The following RIMS2 variants were observed in gnomAD, a reference collection of about 807,000 sequenced individuals.
RIMS2 encodes the protein regulating synaptic membrane exocytosis protein 2.
In RIMS2, 59 loss-of-function variants were observed where a neutral mutation model predicts 174.4. The observed-to-expected ratio is 0.34, with a 90% CI of 0.27 to 0.42. RIMS2 has a LOEUF of 0.42. Ranked by LOEUF, RIMS2 falls within the 10% of genes least tolerant of loss-of-function variation. RIMS2 has a pLI of 1.00. For synonymous variants in RIMS2, 606 were observed against 572.5 expected (o/e 1.06, Z -0.84); for missense variants, 1,620 against 1,666.3 (o/e 0.97, Z 0.48).
At chr8:103,816,150 G>A (rs1211683359) in intron 3 of RIMS2, among the ~76,000 whole-genome samples, 1 of 152,050 alleles carries the variant, frequency 6.6e-6, no homozygotes, top group Non-Finnish European at 1.5e-5. Flanking sequence ...AAATTACAGA[G>A]TCCATTCAAA....
intron 19 of RIMS2, among the ~76,000 whole-genome samples, chr8:104,081,199 A>G (rs1598409024): frequency 1.3e-5 from 2 of 152,116 alleles, no homozygotes; most frequent in South Asian, 4.1e-4. Flanking sequence ...CAAGGCCAAC[A>G]GTCTCCAGGG....
chr8:103,546,421 G>A (rs572546949), intron 1 of RIMS2, among the ~76,000 whole-genome samples: 2 of 152,072 alleles, frequency 1.3e-5, no homozygotes, highest in South Asian at 2.1e-4. Flanking sequence ...AGATAATGAC[G>A]TAATAATGGT....
intron 4 of RIMS2, among the ~76,000 whole-genome samples, chr8:103,907,391 C>A (rs2074660283): frequency 6.6e-6 from 1 of 152,164 alleles, no homozygotes; most frequent in Admixed American, 6.5e-5. Flanking sequence ...TTCATGATTG[C>A]CAAATCCAAT....
At chr8:103,863,198 T>A (rs1312626728) in intron 3 of RIMS2, among the ~76,000 whole-genome samples, 1 of 152,042 alleles carries the variant, frequency 6.6e-6, no homozygotes, top group Non-Finnish European at 1.5e-5. Context: ...TTGTCAGAAT[T>A]TTTTTTGACA....
rs76890015 is a variant in RIMS2 at position 104,175,967 on chromosome 8, G to T, written c.3335-68949G>T. Among the ~76,000 whole-genome samples the T allele has an allele frequency of 5.6e-3, 856 of 152,172 alleles. 6 individuals are homozygous for T. The highest frequency in any genetic ancestry group is 0.019 in the African/African-American group (794 of 41,528). ...TCATGTTAGGACATGCTATATAGTAGGATGTGGCTATGTCCGAAACTAGTC... is the reference window on the plus strand; with the variant it reads ...TCATGTTAGGACATGCTATATAGTATGATGTGGCTATGTCCGAAACTAGTC... On this transcript the variant is annotated intron_variant, in intron 19 of 23. Transcript: ENST00000504942.
chr8:103,518,906 T>C (rs972301463), intron 1 of RIMS2, among the ~76,000 whole-genome samples: 1 of 152,118 alleles, frequency 6.6e-6, no homozygotes, highest in Non-Finnish European at 1.5e-5. Context: ...TGCTGCAGAG[T>C]ATCTTCTTAA....
rs143166629 is a variant in RIMS2, at chr8:103,749,404, G to A, written c.388-16823G>A. Among the ~76,000 whole-genome samples the A allele has an allele frequency of 3.3e-5, 5 of 152,108 alleles. No individual in the cohort carries two copies. In the South Asian group the frequency reaches 8.3e-4, roughly 25 times the overall value. Reference sequence around the variant, plus strand: ...TGGGATTACAGGCATGAGCCACGGCGCCTGGCCACTTTCTATTTTAAGAAA... The same window carrying A: ...TGGGATTACAGGCATGAGCCACGGCACCTGGCCACTTTCTATTTTAAGAAA... On this transcript the variant is annotated intron_variant, in intron 2 of 23. Coordinates refer to ENST00000504942, the Ensembl canonical transcript of RIMS2.
At chr8:103,883,450 G>A (rs897922465) in intron 3 of RIMS2, among the ~76,000 whole-genome samples, 1 of 151,612 alleles carries the variant, frequency 6.6e-6, no homozygotes, top group Admixed American at 6.6e-5. Context: ...CAGAAACATA[G>A]GGTGTTGGGT....
chr8:103,877,455 T>A (rs2099146822), intron 3 of RIMS2, among the ~76,000 whole-genome samples: 1 of 152,052 alleles, frequency 6.6e-6, no homozygotes, highest in Non-Finnish European at 1.5e-5. Flanking sequence ...ATTAGTCATT[T>A]GTCAGATGTA....
intron 2 of RIMS2, among the ~76,000 whole-genome samples, chr8:103,743,684 G>A (rs1228686210): frequency 6.6e-6 from 1 of 152,102 alleles, no homozygotes; most frequent in Non-Finnish European, 1.5e-5. Flanking sequence ...TGGTCAGATA[G>A]TATGCAAATT....
intron 3 of RIMS2, among the ~76,000 whole-genome samples, chr8:103,828,733 A>G (rs1439714693): frequency 6.6e-6 from 1 of 150,938 alleles, no homozygotes; most frequent in Admixed American, 6.6e-5. Context: ...TCTTAAGTTG[A>G]TTTTTGTAGG....
At chr8:103,837,138 T>C (rs1422195783) in intron 3 of RIMS2, among the ~76,000 whole-genome samples, 1 of 152,240 alleles carries the variant, frequency 6.6e-6, no homozygotes, top group Non-Finnish European at 1.5e-5. Context: ...ACCTATTTAC[T>C]GTCTTGCAGT....
At chr8:104,235,727 A>G (rs1283118128) in intron 19 of RIMS2, among the ~76,000 whole-genome samples, 2 of 152,092 alleles carry the variant, frequency 1.3e-5, no homozygotes, top group Non-Finnish European at 2.9e-5. Context: ...CCATTTGAGC[A>G]TAAGGTTAAG....
chr8:103,626,733 G>A (rs1042866357), intron 1 of RIMS2, among the ~76,000 whole-genome samples: 3 of 152,150 alleles, frequency 2.0e-5, no homozygotes, highest in African/African-American at 7.2e-5. Context: ...TTTTACAGCT[G>A]GGCCTCCGGG....
intron 15 of RIMS2, among the ~76,000 whole-genome samples, chr8:103,966,150 A>C (rs2091770396): frequency 6.6e-6 from 1 of 152,152 alleles, no homozygotes; most frequent in African/African-American, 2.4e-5. Flanking sequence ...TTATAAAATG[A>C]GTTAGAGAGT....
At chr8:103,865,279 T>C (rs1003871951) in intron 3 of RIMS2, among the ~76,000 whole-genome samples, 1 of 124,086 alleles carries the variant, frequency 8.1e-6, no homozygotes, top group Non-Finnish European at 1.7e-5. Context: ...AATGTCAGTT[T>C]TTTTCTTTTT....
At chr8:104,252,492 G>A (rs2099361518), downstream of RIMS2, 2 of 145,200 alleles carry the variant, frequency 1.4e-5, no homozygotes, top group Admixed American at 7.0e-5. Context: ...CAGATTAGCT[G>A]AATACTTAAA....
intron 1 of RIMS2, among the ~76,000 whole-genome samples, chr8:103,569,557 A>G (rs2092652787): frequency 6.6e-6 from 1 of 152,100 alleles, no homozygotes; most frequent in South Asian, 2.1e-4. Context: ...TGTAGTTTTC[A>G]GTATACAAAT....
chr8:103,726,024 T>G (rs913834032), intron 2 of RIMS2, among the ~76,000 whole-genome samples: 1 of 152,226 alleles, frequency 6.6e-6, no homozygotes, highest in Non-Finnish European at 1.5e-5. Context: ...TTTTTATTAT[T>G]GACTTACAGA....
Sources: gnomAD v4.1 joint callset for allele counts (sites outside exome capture counted in the v4.1 genomes callset) on GRCh38, gnomAD v4.1.1 for gene constraint, MANE v1.5 for transcripts, NCBI Gene and HGNC (gene_info 2026-07-23, HGNC 2026-07-21) for gene names.